GPAM: variants seen among roughly 807,000 people sequenced by gnomAD.
GPAM encodes glycerol-3-phosphate acyltransferase, mitochondrial.
GPAM carries 56 observed loss-of-function variants against 105.0 expected under a neutral mutation model. The ratio of observed to expected loss-of-function variants is 0.53; its 90% confidence interval spans 0.43 to 0.67. GPAM has a LOEUF of 0.67. GPAM is among the 30% of genes least tolerant of loss of function. The pLI is 0.00. For synonymous variants in GPAM, 368 were observed against 354.4 expected (o/e 1.04, Z -0.43); for missense variants, 855 against 989.8 (o/e 0.86, Z 1.83).
Position 112,157,249 on chromosome 10 carries a change from C to T in GPAM, c.2121G>A (p.Lys707=). Residue 707 remains lysine, a splice_region_variant and synonymous_variant, in exon 19 of 22, where the codon AAG becomes AAA. Coordinates refer to ENST00000348367, the MANE Select transcript of GPAM (RefSeq NM_001244949.2). ...FGEEQRDCYL[K]VSQSKEHQQF... ...CCACCAGAATTCTTCACCCAAGTAC[C>T]TTCAGGTAGCAATCTCGCTGTTCCT... is the stretch of plus-strand genomic sequence containing the variant. The T allele has an allele frequency of 6.2e-7, 1 of 1,613,236 alleles. No homozygotes were observed. The highest frequency in any genetic ancestry group is 1.1e-5 in the South Asian group (1 of 91,038).
Position 112,151,608 on chromosome 10 carries a change from AT to A in GPAM, c.*1941del, listed in dbSNP as rs1846921124. On this transcript the variant is annotated 3_prime_UTR_variant, in exon 22 of 22. Coordinates refer to ENST00000348367, the MANE Select transcript of GPAM (RefSeq NM_001244949.2). ...GGGAAAATAATGCAAGAGAAGCCGT[AT>A]TTTCTTTGCTTAGGTTGGCAAAGCA... 1 of 985,518 alleles carries A rather than the reference AT, an allele frequency of 1.0e-6. No individual in the cohort carries two copies. The allele number at this position is 985,518 out of a possible 1,614,324, so 61.0% of individuals were successfully genotyped here. A position where few individuals can be genotyped will look rare whatever the true frequency, so the allele number is the denominator to read the frequency against.
Position 112,160,495 on chromosome 10 carries a change from T to C in GPAM, c.1759+109A>G, listed in dbSNP as rs538825088. ...TTTGAAAACTAAAATTATAGCCACA[T>C]TCCCTCAAGCAAGGGGCTATCACCC... On this transcript the variant is annotated intron_variant, in intron 16 of 21. Transcript: ENST00000348367. The C allele has an allele frequency of 8.0e-6, 10 of 1,248,208 alleles. No individual in the cohort carries two copies. The South Asian group carries it at 1.3e-4, about 16-fold the overall frequency. 77.3% of individuals were successfully genotyped at this position (1,248,208 alleles called of 1,614,324 possible). A position where few individuals can be genotyped will look rare whatever the true frequency, so the allele number is the denominator to read the frequency against.
intron 6 of GPAM, 45 bp downstream of exon 6, chr10:112,175,554 GC>G: frequency 1.0e-6 from 1 of 952,460 alleles, no homozygotes; most frequent in Non-Finnish European, 1.7e-6. Flanking sequence ...CACTCCTACC[GC>G]CCATCCCTGC....
chr10:112,181,752 T>C lies in GPAM; in HGVS notation c.33A>G (p.Ile11Met), dbSNP rs1426835008. The C allele has an allele frequency of 6.2e-7, 1 of 1,609,098 alleles. No individual in the cohort carries two copies. The highest frequency in any genetic ancestry group is 8.5e-7 in the Non-Finnish European group (1 of 1,175,636). The change falls in exon 3 of 22, where the codon ATA (isoleucine) becomes ATG (methionine). Residue 11 changes from isoleucine to methionine, a missense_variant. By Grantham distance (10) the Ile-to-Met change is conservative. Transcript: ENST00000348367. MDESALTLGTIDVSYLPHSSE... is the reference protein window; with the variant it reads MDESALTLGTMDVSYLPHSSE... ...ATGAATGTGGCAGATAAGAAACATC[T>C]ATTGTACCAAGGGTCAGTGCAGATT...
the GPAM span, among the ~76,000 whole-genome samples, chr10:112,226,219 GA>G: frequency 1.3e-5 from 2 of 152,170 alleles, no homozygotes; most frequent in African/African-American, 4.8e-5. Context: ...CTAAAGGAGG[GA>G]GAAGACTGAC....
chr10:112,163,278 G>A (rs1027271037), intron 14 of GPAM, among the ~76,000 whole-genome samples: 3 of 152,092 alleles, frequency 2.0e-5, no homozygotes, highest in South Asian at 4.1e-4. Context: ...TATTCTCCAC[G>A]GCTAAGGCAA....
chr10:112,162,067 G>A (rs2792735), intron 14 of GPAM, among the ~76,000 whole-genome samples: 116,557 of 152,118 alleles, frequency 0.77, 45,563 homozygotes, highest in African/African-American at 0.93. Flanking sequence ...TTAGTTCTAC[G>A]GGATCTCCCA....
At chr10:112,207,494 C>A (rs1394299829) in intron 1 of GPAM, among the ~76,000 whole-genome samples, 1 of 152,206 alleles carries the variant, frequency 6.6e-6, no homozygotes, top group African/African-American at 2.4e-5. Context: ...TGCTGCCCAC[C>A]AGCTTCATGC....
intron 1 of GPAM, among the ~76,000 whole-genome samples, chr10:112,207,232 G>T (rs1847862325): frequency 6.6e-6 from 1 of 152,154 alleles, no homozygotes; most frequent in Admixed American, 6.5e-5. Flanking sequence ...TGATGTACGG[G>T]ACAGTCCCCA....
At chr10:112,178,536 C>A (rs1847448077) in intron 4 of GPAM, among the ~76,000 whole-genome samples, 1 of 151,004 alleles carries the variant, frequency 6.6e-6, no homozygotes, top group East Asian at 2.0e-4. Flanking sequence ...GGCGACAAAG[C>A]AAGACTCCAT....
chr10:112,156,982 A>G, intron 19 of GPAM: 1 of 599,174 alleles, frequency 1.7e-6, no homozygotes. Context: ...GTAAACAGGT[A>G]TGCACCTGTG....
chr10:112,209,474 C>T (rs1374370980), intron 1 of GPAM, among the ~76,000 whole-genome samples: 1 of 152,046 alleles, frequency 6.6e-6, no homozygotes. Flanking sequence ...TGATGGGAGT[C>T]AGAATTGCTG....
chr10:112,199,685 T>C (rs1441130377), intron 1 of GPAM, among the ~76,000 whole-genome samples: 1 of 152,134 alleles, frequency 6.6e-6, no homozygotes, highest in African/African-American at 2.4e-5. Flanking sequence ...TGATTCACAG[T>C]TCCACATGGC....
At chr10:112,216,966 TA>T (rs34357087), upstream of GPAM, among the ~76,000 whole-genome samples, 5,729 of 147,094 alleles carry the variant, frequency 0.039, 123 homozygotes, top group African/African-American at 0.062. Flanking sequence ...CTCCACTCCT[TA>T]AAAAAAAAAA....
chr10:112,169,063 T>C, intron 9 of GPAM, 111 bp from the exon 10 acceptor site: 1 of 739,388 alleles, frequency 1.4e-6, no homozygotes, highest in Non-Finnish European at 2.4e-6. Context: ...TATGTGCCGT[T>C]TGAGCAGCTG....
rs1461605123 is a variant in GPAM at position 112,150,747 on chromosome 10, T to C, written c.*2803A>G. Reference sequence around the variant, plus strand: ...GCATTGTAAGTTTCCAGGTGCAAACTTGGTTTCCCAGCAACACCATTTCTA... The same window carrying C: ...GCATTGTAAGTTTCCAGGTGCAAACCTGGTTTCCCAGCAACACCATTTCTA... On this transcript the variant is annotated 3_prime_UTR_variant, in exon 22 of 22. Coordinates refer to ENST00000348367, the MANE Select transcript of GPAM (RefSeq NM_001244949.2). The C allele has an allele frequency of 3.0e-6, 3 of 984,898 alleles. No individual in the cohort carries two copies. The highest frequency in any genetic ancestry group is 6.1e-5 in the Admixed American group (1 of 16,268). The allele number at this position is 984,898 out of a possible 1,614,324, so 61.0% of individuals were successfully genotyped here. A position where few individuals can be genotyped will look rare whatever the true frequency, so the allele number is the denominator to read the frequency against.
intron 1 of GPAM, among the ~76,000 whole-genome samples, chr10:112,197,979 C>T (rs989201257): frequency 2.0e-5 from 3 of 152,142 alleles, no homozygotes; most frequent in African/African-American, 7.2e-5. Context: ...CCATTAATTA[C>T]AAATCACAAA....
At chr10:112,223,369 A>G in the GPAM span, among the ~76,000 whole-genome samples, 24 of 152,216 alleles carry the variant, frequency 1.6e-4, no homozygotes, top group Non-Finnish European at 2.9e-4. Flanking sequence ...TGTCTTGCAC[A>G]TGAAAAAAAT....
chr10:112,193,162 G>A (rs1446638038), intron 1 of GPAM, among the ~76,000 whole-genome samples: 3 of 152,154 alleles, frequency 2.0e-5, no homozygotes, highest in East Asian at 3.9e-4. Flanking sequence ...GAAGACAAAA[G>A]TAGAAGGGTG....
Sources: allele counts gnomAD v4.1 joint callset (sites outside exome capture counted in the v4.1 genomes callset), GRCh38; gene constraint gnomAD v4.1.1; transcripts MANE v1.5; gene names NCBI Gene and HGNC (gene_info 2026-07-23, HGNC 2026-07-21).